NR6A1: variants seen among roughly 807,000 people sequenced by gnomAD.
NR6A1 encodes the protein nuclear receptor subfamily 6 group A member 1, also known as retinoic acid receptor-related testis-associated receptor.
A neutral mutation model predicts 59.1 loss-of-function variants in NR6A1; 7 were observed. The observed-to-expected ratio is 0.12, with a 90% CI of 0.07 to 0.22. The LOEUF (loss-of-function observed/expected upper bound fraction) is 0.22, where lower values mean the gene tolerates loss of function less well. NR6A1 is among the 10% of genes least tolerant of loss of function. NR6A1 has a pLI of 1.00. For missense variants in NR6A1, 468 were observed against 611.6 expected (o/e 0.77, Z 2.48); for synonymous variants, 243 against 236.1 (o/e 1.03, Z -0.27).
intron 2 of NR6A1, among the ~76,000 whole-genome samples, chr9:124,631,240 A>G (rs1463027664): frequency 6.6e-6 from 1 of 152,118 alleles, no homozygotes; most frequent in African/African-American, 2.4e-5. Flanking sequence ...TTAAGTAGTG[A>G]AGATTTATTT....
In NR6A1 at chr9:124,528,210, T is replaced by C. The variant is rs72761487; in HGVS notation, c.1080-1310A>G. 8.5e-3 allele frequency among the ~76,000 whole-genome samples: 1,287 copies of C among 152,302 alleles called. 13 individuals are homozygous for C. Among genetic ancestry groups the C allele is most frequent in the Non-Finnish European group, 0.014 (957 of 68,008 alleles). On this transcript the variant is annotated intron_variant, in intron 7 of 9. Coordinates refer to ENST00000487099, the MANE Select transcript of NR6A1 (RefSeq NM_033334.4). ...TAGGCTTCCTGGACAAGCAGGACAC[T>C]TTCTCTTGCTTGGGGAAAGCCTGGC...
chr9:124,583,891 G>GT (rs1352371332), intron 2 of NR6A1, among the ~76,000 whole-genome samples: 1 of 152,128 alleles, frequency 6.6e-6, no homozygotes, highest in Non-Finnish European at 1.5e-5. Context: ...ATTGCTATCA[G>GT]TATGCCCCGA....
intron 2 of NR6A1, 95 bp from the exon 3 acceptor site, chr9:124,554,665 C>A: frequency 6.6e-7 from 1 of 1,511,760 alleles, no homozygotes. Context: ...TTAAGACCAC[C>A]ACTATCTCCA....
intron 2 of NR6A1, among the ~76,000 whole-genome samples, chr9:124,689,660 C>CACT (rs770660240): frequency 9.2e-5 from 14 of 152,276 alleles, no homozygotes; most frequent in Admixed American, 2.0e-4. Flanking sequence ...ACATTAATCT[C>CACT]ACTACTCACC....
At chr9:124,704,753 G>C (rs1264455788) in intron 2 of NR6A1, among the ~76,000 whole-genome samples, 1 of 151,686 alleles carries the variant, frequency 6.6e-6, no homozygotes, top group Admixed American at 6.6e-5. Context: ...TTGTGTGTGG[G>C]GGGGAAGACA....
At chr9:124,762,631 A>AC in intron 1 of NR6A1, among the ~76,000 whole-genome samples, 1 of 152,292 alleles carries the variant, frequency 6.6e-6, no homozygotes, top group Non-Finnish European at 1.5e-5. Context: ...TGAGTTTAAA[A>AC]CCATATCAAT....
intron 4 of NR6A1, 108 bp from the exon 5 acceptor site, chr9:124,540,295 C>G: frequency 8.3e-7 from 1 of 1,204,392 alleles, no homozygotes; most frequent in Non-Finnish European, 1.2e-6. Context: ...AACCTAGGTT[C>G]CCTCTCCTCC....
chr9:124,709,311 T>C (rs541207130), intron 2 of NR6A1, among the ~76,000 whole-genome samples: 33 of 152,302 alleles, frequency 2.2e-4, no homozygotes, highest in African/African-American at 7.2e-4. Flanking sequence ...CAATTTACCA[T>C]AGCTCCTGAA....
At chr9:124,530,144 G>A (rs896296937) in intron 7 of NR6A1, among the ~76,000 whole-genome samples, 4 of 152,100 alleles carry the variant, frequency 2.6e-5, no homozygotes, top group African/African-American at 9.7e-5. Context: ...CTTGACCTGA[G>A]GGACACAAAG....
intron 2 of NR6A1, among the ~76,000 whole-genome samples, chr9:124,563,222 A>G (rs1345255601): frequency 6.6e-6 from 1 of 152,256 alleles, no homozygotes; most frequent in African/African-American, 2.4e-5. Flanking sequence ...TTGGAAAAAA[A>G]TGAAATGAAA....
intron 2 of NR6A1, among the ~76,000 whole-genome samples, chr9:124,662,728 C>T (rs867332736): frequency 2.0e-5 from 3 of 152,054 alleles, no homozygotes; most frequent in Admixed American, 1.3e-4. Context: ...CTTTACCAGC[C>T]GATGTGTGAC....
chr9:124,598,311 T>C (rs1835336268), intron 2 of NR6A1, among the ~76,000 whole-genome samples: 1 of 149,486 alleles, frequency 6.7e-6, no homozygotes, highest in South Asian at 2.1e-4. Context: ...GAATAGTCAC[T>C]GCACTCCAGC....
In NR6A1 at chr9:124,583,707, T is replaced by G. The variant is rs1834838305; in HGVS notation, c.143-29137A>C. Among the ~76,000 whole-genome samples, 5 of 152,172 alleles carry G rather than the reference T, an allele frequency of 3.3e-5. No homozygotes were observed. In the South Asian group the frequency reaches 1.0e-3, roughly 32 times the overall value. On this transcript the variant is annotated intron_variant, in intron 2 of 9. Transcript: ENST00000487099. ...AGGTTGTTTCACATTGTCAGGCATG[T>G]GCTCATGCTGCTCCTCTGCTTAGGA...
chr9:124,630,670 C>CTTTTTTTTTTTTTT (rs71372980), intron 2 of NR6A1, among the ~76,000 whole-genome samples: 3 of 59,504 alleles, frequency 5.0e-5, no homozygotes, highest in African/African-American at 2.2e-4. Flanking sequence ...TACTACATTT[C>CTTTTTTTTTTTTTT]TTTTTTTTTT....
chr9:124,638,585 T>C (rs1588731191), intron 2 of NR6A1, among the ~76,000 whole-genome samples: 3 of 152,228 alleles, frequency 2.0e-5, no homozygotes, highest in Non-Finnish European at 2.9e-5. Context: ...TGTAAAAATA[T>C]GCATTCAGGC....
At chr9:124,652,760 G>A (rs1426697781) in intron 2 of NR6A1, among the ~76,000 whole-genome samples, 2 of 152,138 alleles carry the variant, frequency 1.3e-5, no homozygotes, top group East Asian at 1.9e-4. Context: ...ACACACTCAC[G>A]CAGAAGCTAG....
intron 2 of NR6A1, among the ~76,000 whole-genome samples, chr9:124,696,443 A>G (rs1276619870): frequency 6.6e-6 from 1 of 151,818 alleles, no homozygotes; most frequent in Non-Finnish European, 1.5e-5. Context: ...AGCCTCACAG[A>G]TATTTCAAGA....
At position 124,521,485 on chromosome 9, in the gene NR6A1, G is replaced by T. The variant is rs1832800402; in HGVS notation, c.*1220C>A. On this transcript the variant is annotated 3_prime_UTR_variant, in exon 10 of 10. Transcript: ENST00000487099. ...TGTCCTGGGTCCCTGAGGAAAACTG[G>T]TCTCACTCTGGAGAGAAAAGGAGAA... The T allele has an allele frequency of 6.6e-6, 1 of 152,466 alleles. No homozygotes were observed. The highest frequency in any genetic ancestry group is 1.5e-5 in the Non-Finnish European group (1 of 68,258). The allele number at this position is 152,466 out of a possible 1,614,324, so 9.4% of individuals were successfully genotyped here. A position where few individuals can be genotyped will look rare whatever the true frequency, so the allele number is the denominator to read the frequency against.
chr9:124,648,762 C>T (rs1377728042), intron 2 of NR6A1, among the ~76,000 whole-genome samples: 1 of 148,592 alleles, frequency 6.7e-6, no homozygotes, highest in African/African-American at 2.5e-5. Context: ...CTGTAGGATA[C>T]AAAATCAACA....
Sources: allele counts gnomAD v4.1 joint callset (sites outside exome capture counted in the v4.1 genomes callset), GRCh38; gene constraint gnomAD v4.1.1; transcripts MANE v1.5; gene names NCBI Gene and HGNC (gene_info 2026-07-23, HGNC 2026-07-21).